Variants in SAMD13 observed in about 807,000 individuals in gnomAD.
SAMD13 encodes sterile alpha motif domain-containing protein 13.
A neutral mutation model predicts 12.4 loss-of-function variants in SAMD13; 9 were observed. The observed-to-expected ratio is 0.72, with a 90% CI of 0.44 to 1.26. The LOEUF (loss-of-function observed/expected upper bound fraction) is 1.26, where lower values mean the gene tolerates loss of function less well. SAMD13 is among the 50% of genes most tolerant of loss of function. The pLI is 0.00. For synonymous variants in SAMD13, 46 were observed against 45.4 expected (o/e 1.01, Z -0.05); for missense variants, 84 against 119.6 (o/e 0.70, Z 1.39).
At chr1:84,303,392 C>T (rs1031068458) in intron 2 of SAMD13, 105 bp downstream of exon 2, 5 of 918,746 alleles carry the variant, frequency 5.4e-6, no homozygotes, top group Admixed American at 2.1e-5. Flanking sequence ...GTTTGGGGGT[C>T]GCCTTGGTTT....
At chr1:84,341,716 A>T (rs1015346515) in intron 3 of SAMD13, among the ~76,000 whole-genome samples, 2 of 152,164 alleles carry the variant, frequency 1.3e-5, no homozygotes, top group Non-Finnish European at 2.9e-5. Flanking sequence ...TGGAGTTGAC[A>T]TAAAAAAAAT....
chr1:84,311,565 T>C (rs1352415830), intron 2 of SAMD13, among the ~76,000 whole-genome samples: 1 of 152,162 alleles, frequency 6.6e-6, no homozygotes, highest in Non-Finnish European at 1.5e-5. Context: ...TTTGCAAATA[T>C]ATGCTGAACA....
At chr1:84,300,499 C>G (rs1230338433), upstream of SAMD13, among the ~76,000 whole-genome samples, 1 of 152,150 alleles carries the variant, frequency 6.6e-6, no homozygotes, top group East Asian at 1.9e-4. Context: ...CAGCTTTTTC[C>G]TCAGATTCTA....
chr1:84,316,952 G>A (rs1316537999), intron 2 of SAMD13, among the ~76,000 whole-genome samples: 1 of 151,940 alleles, frequency 6.6e-6, no homozygotes, highest in Non-Finnish European at 1.5e-5. Context: ...CTATTCCTAA[G>A]TATGACGTTA....
intron 1 of SAMD13, chr1:84,302,130 A>C (rs536162234): frequency 5.3e-5 from 8 of 152,240 alleles, no homozygotes; most frequent in African/African-American, 1.7e-4. Context: ...TCAGGAGTGA[A>C]AATTATCCCA....
At chr1:84,322,655 G>A (rs983195415) in intron 2 of SAMD13, among the ~76,000 whole-genome samples, 1 of 152,056 alleles carries the variant, frequency 6.6e-6, no homozygotes, top group Non-Finnish European at 1.5e-5. Flanking sequence ...GCTTTGGGGG[G>A]ATATCAGGCT....
At chr1:84,349,517 T>A in intron 3 of SAMD13, 114 bp from the exon 4 acceptor site, 2 of 1,485,312 alleles carry the variant, frequency 1.3e-6, no homozygotes, top group African/African-American at 1.4e-5. Flanking sequence ...ACAAATGTAA[T>A]GTTTTTAGCT....
intron 3 of SAMD13, among the ~76,000 whole-genome samples, chr1:84,326,418 A>T (rs1036968113): frequency 6.6e-6 from 1 of 152,118 alleles, no homozygotes; most frequent in Non-Finnish European, 1.5e-5. Flanking sequence ...AAAAAATGGG[A>T]TTTCCTTTTC....
chr1:84,299,565 A>G, upstream of SAMD13: 1 of 1,481,024 alleles, frequency 6.8e-7, no homozygotes, highest in Non-Finnish European at 9.0e-7. Context: ...CATCACACTC[A>G]CATACTTTAT....
Position 84,330,085 on chromosome 1 carries a change from A to T in SAMD13, c.165+4337A>T, listed in dbSNP as rs533883442. Among the ~76,000 whole-genome samples the T allele has an allele frequency of 3.3e-5, 5 of 152,290 alleles. No homozygotes were observed. In the East Asian group the frequency reaches 9.7e-4, roughly 29 times the overall value. ...CCCAAGCACCTTCTAGCAGACAAAC[A>T]TTTTAGGCTGTGGTGAAGGGAATGA... On this transcript the variant is annotated intron_variant, in intron 3 of 3. Transcript: ENST00000394834.
intron 2 of SAMD13, among the ~76,000 whole-genome samples, chr1:84,313,334 A>G (rs1169343058): frequency 2.0e-5 from 3 of 152,072 alleles, no homozygotes; most frequent in Admixed American, 1.3e-4. Flanking sequence ...GATGAATTAT[A>G]AACTTTGGTA....
intron 3 of SAMD13, among the ~76,000 whole-genome samples, chr1:84,328,181 C>T (rs1187663200): frequency 6.6e-6 from 1 of 152,142 alleles, no homozygotes; most frequent in African/African-American, 2.4e-5. Flanking sequence ...CTGTGACTTA[C>T]CTCAGAAATG....
At chr1:84,337,917 CAAAT>C (rs1463303506) in intron 3 of SAMD13, among the ~76,000 whole-genome samples, 6 of 152,304 alleles carry the variant, frequency 3.9e-5, no homozygotes, top group Non-Finnish European at 2.9e-5. Context: ...CAAAGTTCCA[CAAAT>C]CTCTAGGGCA....
upstream of SAMD13, chr1:84,299,548 G>A (rs1230224441): frequency 2.1e-6 from 3 of 1,422,744 alleles, no homozygotes; most frequent in Admixed American, 4.8e-5. Context: ...ACACCACATA[G>A]TGCACACATC....
chr1:84,305,326 A>T (rs1396668586), intron 2 of SAMD13, among the ~76,000 whole-genome samples: 5 of 152,084 alleles, frequency 3.3e-5, no homozygotes, highest in Non-Finnish European at 7.4e-5. Flanking sequence ...GTATTGTTCA[A>T]ATCTTTTGCC....
intron 3 of SAMD13, among the ~76,000 whole-genome samples, chr1:84,339,346 T>C (rs369888515): frequency 6.6e-5 from 10 of 152,336 alleles, no homozygotes; most frequent in South Asian, 2.1e-4. Flanking sequence ...TTGAAATTGC[T>C]GTCCTTTGGA....
chr1:84,325,400 C>A (rs1397059271), intron 2 of SAMD13, among the ~76,000 whole-genome samples: 1 of 152,166 alleles, frequency 6.6e-6, no homozygotes, highest in East Asian at 1.9e-4. Context: ...GTATGAATAT[C>A]ATACTCTGGG....
intron 2 of SAMD13, among the ~76,000 whole-genome samples, chr1:84,305,831 C>G (rs1678557437): frequency 2.0e-5 from 3 of 152,156 alleles, no homozygotes; most frequent in Admixed American, 2.0e-4. Flanking sequence ...TCTGGGCTCT[C>G]TATTGTATTC....
intron 2 of SAMD13, among the ~76,000 whole-genome samples, chr1:84,324,282 A>G (rs1679010795): frequency 6.6e-6 from 1 of 152,146 alleles, no homozygotes; most frequent in Non-Finnish European, 1.5e-5. Context: ...GCTCTTAGCA[A>G]AAATCCAGAA....
Sources: allele counts gnomAD v4.1 joint callset (sites outside exome capture counted in the v4.1 genomes callset), GRCh38; gene constraint gnomAD v4.1.1; transcripts MANE v1.5; gene names NCBI Gene and HGNC (gene_info 2026-07-23, HGNC 2026-07-21).